Variants in TRIO observed in about 807,000 individuals in gnomAD.
TRIO encodes the protein triple functional domain protein.
A neutral mutation model predicts 351.9 loss-of-function variants in TRIO; 58 were observed. The observed-to-expected ratio is 0.16, with a 90% confidence interval of 0.13 to 0.21. The LOEUF is 0.21. TRIO is among the 10% of genes least tolerant of loss of function. The probability of loss-of-function intolerance (pLI) is 1.00; values close to 1 mark genes in which losing one functional copy is unlikely to be tolerated. For synonymous variants in TRIO, 1,758 were observed against 1,595.7 expected (o/e 1.10, Z -2.42); for missense variants, 3,201 against 4,027.8 (o/e 0.79, Z 5.56).
chr5:14,387,363 A>G, intron 21 of TRIO, 75 bp from the exon 22 acceptor site: 2 of 1,466,632 alleles, frequency 1.4e-6, no homozygotes, highest in Non-Finnish European at 1.8e-6. Context: ...AGTTGGAGTC[A>G]AGTCGCCACT....
Position 14,485,108 on chromosome 5 carries a change from C to A in TRIO, c.6697C>A (p.Pro2233Thr), listed in dbSNP as rs61748186. Residue 2233 changes from proline (P) to threonine (T), a missense_variant, in exon 47 of 57, where the codon CCC becomes ACC. By Grantham distance (38) the Pro-to-Thr change is conservative. This residue lies in a region of TRIO where 1,089 missense variants were observed against 954.9 expected (regional missense o/e 1.14). Transcript: ENST00000344204. Reference sequence around the variant, plus strand: ...CCTGGAGGAAAATGTGGAAAATGATCCCTGTAAATTTGCTCTGACATCGAG... The same window carrying A: ...CCTGGAGGAAAATGTGGAAAATGATACCTGTAAATTTGCTCTGACATCGAG... ...LCLEENVEND[P>T]CKFALTSRTG... 3 of 1,554,314 alleles carry A rather than the reference C, an allele frequency of 1.9e-6. No individual in the cohort carries two copies. The African/African-American group carries it at 4.1e-5, about 21-fold the overall frequency.
intron 1 of TRIO, among the ~76,000 whole-genome samples, chr5:14,263,023 C>T (rs542633722): frequency 1.3e-5 from 2 of 152,254 alleles, no homozygotes; most frequent in East Asian, 1.9e-4. Context: ...ATTGATGCTG[C>T]TTGCTCTGGC....
chr5:14,184,954 T>G (rs994840122), intron 1 of TRIO, among the ~76,000 whole-genome samples: 46 of 152,186 alleles, frequency 3.0e-4, no homozygotes, highest in Non-Finnish European at 2.1e-4. Context: ...AGCAGCATAC[T>G]TGGTGCCAGG....
At chr5:14,264,531 A>T (rs1795540549) in intron 1 of TRIO, among the ~76,000 whole-genome samples, 1 of 152,236 alleles carries the variant, frequency 6.6e-6, no homozygotes, top group African/African-American at 2.4e-5. Flanking sequence ...ATGTTAAAAA[A>T]ATAATATAAG....
chr5:14,325,349 C>T (rs1740272507), intron 9 of TRIO, among the ~76,000 whole-genome samples: 1 of 152,204 alleles, frequency 6.6e-6, no homozygotes, highest in African/African-American at 2.4e-5. Context: ...ATGGCACCAG[C>T]ATGTGCTTCT....
intron 1 of TRIO, among the ~76,000 whole-genome samples, chr5:14,175,757 GAATACTAT>G (rs1164597564): frequency 6.6e-6 from 1 of 152,206 alleles, no homozygotes. Context: ...TTCTAACATA[GAATACTAT>G]ACATGCATTT....
chr5:14,151,869 A>G (rs915064731), intron 1 of TRIO, among the ~76,000 whole-genome samples: 1 of 152,218 alleles, frequency 6.6e-6, no homozygotes, highest in African/African-American at 2.4e-5. Flanking sequence ...TTTTAAGTTC[A>G]TCCTTGTTCT....
intron 1 of TRIO, among the ~76,000 whole-genome samples, chr5:14,201,886 C>T (rs1173171709): frequency 6.9e-6 from 1 of 144,904 alleles, no homozygotes; most frequent in Admixed American, 7.4e-5. Context: ...TTGAAAATTG[C>T]GTGTTCTCAC....
At chr5:14,255,264 C>T (rs530403220) in intron 1 of TRIO, among the ~76,000 whole-genome samples, 9 of 152,138 alleles carry the variant, frequency 5.9e-5, no homozygotes, top group African/African-American at 9.7e-5. Context: ...AAACGGTAAG[C>T]CAGCCATTTA....
chr5:14,407,151 G>T (rs1228872562), intron 33 of TRIO, among the ~76,000 whole-genome samples: 4 of 152,168 alleles, frequency 2.6e-5, no homozygotes, highest in African/African-American at 7.2e-5. Flanking sequence ...CAGGGAGCAT[G>T]TGGGGAGAGA....
intron 1 of TRIO, among the ~76,000 whole-genome samples, chr5:14,215,785 C>A (rs750156030): frequency 3.3e-5 from 5 of 152,168 alleles, no homozygotes; most frequent in Non-Finnish European, 5.9e-5. Flanking sequence ...GCCTAAAAAT[C>A]GAGAAACCAT....
intron 47 of TRIO, among the ~76,000 whole-genome samples, chr5:14,487,064 C>T (rs913188586): frequency 6.6e-6 from 1 of 152,144 alleles, no homozygotes; most frequent in Admixed American, 6.5e-5. Flanking sequence ...GGGCTGTGTT[C>T]AGCCTGCAGA....
intron 7 of TRIO, among the ~76,000 whole-genome samples, chr5:14,298,951 G>A (rs1036007825): frequency 1.3e-5 from 2 of 152,124 alleles, no homozygotes; most frequent in South Asian, 2.1e-4. Flanking sequence ...CAATACCCTC[G>A]ATCATTTGGC....
At chr5:14,222,627 G>A (rs1251985921) in intron 1 of TRIO, among the ~76,000 whole-genome samples, 5 of 152,170 alleles carry the variant, frequency 3.3e-5, no homozygotes, top group Non-Finnish European at 7.3e-5. Flanking sequence ...TCTTTGGGGC[G>A]GGGCTTTGGA....
chr5:14,500,700 C>T (rs890345784), intron 53 of TRIO, among the ~76,000 whole-genome samples: 1 of 152,070 alleles, frequency 6.6e-6, no homozygotes, highest in African/African-American at 2.4e-5. Flanking sequence ...TAGAGACCAG[C>T]AACATGGCAA....
rs559099036 is a variant in TRIO, at chr5:14,507,638, A to G, written c.8752-242A>G. On this transcript the variant is annotated intron_variant, in intron 56 of 56. Transcript: ENST00000344204. ...TAAAGCAGCCTGGTTTCATTAGGCT[A>G]CTTGGCACTTAGATCTCCAAAGAGA... Among the ~76,000 whole-genome samples, 16 of 152,214 alleles carry G rather than the reference A, an allele frequency of 1.1e-4. No homozygotes were observed. In the South Asian group the frequency reaches 2.5e-3, roughly 24 times the overall value.
intron 33 of TRIO, among the ~76,000 whole-genome samples, chr5:14,408,922 G>A (rs1257467271): frequency 6.6e-6 from 1 of 152,038 alleles, no homozygotes; most frequent in African/African-American, 2.4e-5. Context: ...GAGCTAAGTG[G>A]AAAAGTTAGC....
intron 19 of TRIO, among the ~76,000 whole-genome samples, chr5:14,377,540 G>A (rs1220804648): frequency 1.3e-5 from 2 of 152,130 alleles, no homozygotes; most frequent in Admixed American, 6.5e-5. Context: ...GTGAGCCACC[G>A]CGCCCAGCTT....
At chr5:14,258,567 G>A (rs1230443615) in intron 1 of TRIO, among the ~76,000 whole-genome samples, 1 of 152,232 alleles carries the variant, frequency 6.6e-6, no homozygotes, top group Non-Finnish European at 1.5e-5. Context: ...AAGACGTTCA[G>A]CTTTGCAGAG....
Sources: allele counts gnomAD v4.1 joint callset (sites outside exome capture counted in the v4.1 genomes callset), GRCh38; gene constraint gnomAD v4.1.1; regional missense constraint gnomAD v4.1.1; transcripts MANE v1.5; gene names NCBI Gene and HGNC (gene_info 2026-07-23, HGNC 2026-07-21).